Variants in TRIO observed in about 807,000 individuals in gnomAD.
TRIO encodes trio Rho guanine nucleotide exchange factor.
Under a neutral mutation model 351.9 loss-of-function variants are expected in TRIO, and 58 were observed. That is an observed-to-expected ratio of 0.16 (90% CI 0.13 to 0.21). TRIO has a LOEUF of 0.21. TRIO is among the 10% of genes least tolerant of loss of function. TRIO has a pLI of 1.00. For synonymous variants in TRIO, 1,758 were observed against 1,595.7 expected (o/e 1.10, Z -2.42); for missense variants, 3,201 against 4,027.8 (o/e 0.79, Z 5.56).
At chr5:14,386,619 G>A (rs1021979696) in intron 21 of TRIO, among the ~76,000 whole-genome samples, 1 of 152,190 alleles carries the variant, frequency 6.6e-6, no homozygotes, top group Non-Finnish European at 1.5e-5. Flanking sequence ...AAGCCTAATA[G>A]TAATAACCAT....
At position 14,504,257 on chromosome 5, in the gene TRIO, C is replaced by T. The variant is rs928479850; in HGVS notation, c.8412-136C>T. On this transcript the variant is annotated intron_variant, in intron 54 of 56. Transcript: ENST00000344204. ...GACAGCCATGGCACCACAGCCCCTCCGTGGAGTGGCCGGGAGAGCAGGGCC... is the reference window on the plus strand; with the variant it reads ...GACAGCCATGGCACCACAGCCCCTCTGTGGAGTGGCCGGGAGAGCAGGGCC... The T allele has an allele frequency of 3.8e-5, 35 of 923,718 alleles. No homozygotes were observed. The East Asian group carries it at 7.0e-4, about 18-fold the overall frequency. The allele number at this position is 923,718 out of a possible 1,614,324, so 57.2% of individuals were successfully genotyped here.
chr5:14,383,199 G>A (rs928683274), intron 21 of TRIO, among the ~76,000 whole-genome samples: 2 of 152,168 alleles, frequency 1.3e-5, no homozygotes, highest in South Asian at 2.1e-4. Flanking sequence ...GGTGGTGTGT[G>A]CGCCTAAAGT....
At chr5:14,378,159 TA>T in intron 20 of TRIO, 32 bp downstream of exon 20, 1 of 1,519,838 alleles carries the variant, frequency 6.6e-7, no homozygotes, top group Non-Finnish European at 9.0e-7. Flanking sequence ...AGCCTCCCCC[TA>T]AACTCCCGTG....
At position 14,180,100 on chromosome 5, in the gene TRIO, CAAAAAA is replaced by C. The variant is rs70964542; in HGVS notation, c.157+36241_157+36246del. On this transcript the variant is annotated intron_variant, in intron 1 of 56. Coordinates refer to ENST00000344204, the MANE Select transcript of TRIO (RefSeq NM_007118.4). ...TGGGTGACAGAGCAGGACTCCTGCT[CAAAAAA>C]AAAAAAAAAAAAAAAAAAAAAAGAT... 5.0e-4 allele frequency among the ~76,000 whole-genome samples: 14 copies of C among 27,744 alleles called. No individual in the cohort carries two copies. In the South Asian group the frequency reaches 8.0e-3, roughly 16 times the overall value. The allele number at this position is 27,744 out of a possible 152,430, so 18.2% of individuals were successfully genotyped here.
chr5:14,318,929 C>T (rs1026565933), intron 9 of TRIO, among the ~76,000 whole-genome samples: 3 of 152,158 alleles, frequency 2.0e-5, no homozygotes, highest in Non-Finnish European at 4.4e-5. Flanking sequence ...TCCTTTCCCC[C>T]CACACCCCAT....
intron 1 of TRIO, among the ~76,000 whole-genome samples, chr5:14,255,439 ACACTATG>A (rs1794973451): frequency 6.6e-6 from 1 of 152,244 alleles, no homozygotes; most frequent in Non-Finnish European, 1.5e-5. Flanking sequence ...ATCAAATGGA[ACACTATG>A]CAACAGTGAA....
intron 1 of TRIO, among the ~76,000 whole-genome samples, chr5:14,169,594 T>C (rs1222003975): frequency 1.3e-5 from 2 of 152,264 alleles, no homozygotes; most frequent in Non-Finnish European, 2.9e-5. Context: ...TGAGTTGTTA[T>C]TCATCGAACA....
chr5:14,442,320 C>G (rs141977836), intron 34 of TRIO, among the ~76,000 whole-genome samples: 1 of 152,104 alleles, frequency 6.6e-6, no homozygotes, highest in African/African-American at 2.4e-5. Flanking sequence ...CGGGGCACTT[C>G]CAGTTCATTA....
chr5:14,278,342 C>T (rs549931674), intron 2 of TRIO, among the ~76,000 whole-genome samples: 5 of 152,198 alleles, frequency 3.3e-5, no homozygotes, highest in Admixed American at 6.5e-5. Context: ...TTCTCACACC[C>T]GTGGTGGAGC....
chr5:14,363,068 A>G (rs112683011), intron 13 of TRIO, among the ~76,000 whole-genome samples: 3,206 of 146,476 alleles, frequency 0.022, 109 homozygotes, highest in African/African-American at 0.076. Context: ...GTGCCATCTC[A>G]GCTTACTGCA....
chr5:14,151,875 G>T (rs1273812121), intron 1 of TRIO, among the ~76,000 whole-genome samples: 1 of 152,098 alleles, frequency 6.6e-6, no homozygotes, highest in Non-Finnish European at 1.5e-5. Context: ...GTTCATCCTT[G>T]TTCTGCATGA....
At position 14,479,240 on chromosome 5, in the gene TRIO, G is replaced by A. The variant is rs779391086; in HGVS notation, c.6154-21G>A. On this transcript the variant is annotated intron_variant, in intron 41 of 56. Coordinates refer to ENST00000344204, the MANE Select transcript of TRIO (RefSeq NM_007118.4). Reference sequence around the variant, plus strand: ...AATTTCCCATTGTTATAACCCAACTGTTTGCCTTTTTTATTCCTAGGAGAG... The same window carrying A: ...AATTTCCCATTGTTATAACCCAACTATTTGCCTTTTTTATTCCTAGGAGAG... The A allele has an allele frequency of 8.1e-6, 13 of 1,601,194 alleles. No homozygotes were observed. In the Admixed American group the frequency reaches 2.0e-4, roughly 25 times the overall value.
Position 14,273,702 on chromosome 5 carries a change from C to T in TRIO, c.232+2803C>T, listed in dbSNP as rs981185489. On this transcript the variant is annotated intron_variant, in intron 2 of 56. Transcript: ENST00000344204. ...CAGCCCTCACAAGACTACCAAACCT[C>T]GTAAAAATGCCCTGTAGTTTATATT... is the stretch of plus-strand genomic sequence containing the variant. 1.1e-4 allele frequency among the ~76,000 whole-genome samples: 16 copies of T among 152,200 alleles called. 1 individual carries two copies. The highest frequency in any genetic ancestry group is 2.1e-4 in the South Asian group (1 of 4,830).
At chr5:14,421,877 G>A (rs1025502555) in intron 34 of TRIO, among the ~76,000 whole-genome samples, 3 of 152,282 alleles carry the variant, frequency 2.0e-5, no homozygotes, top group South Asian at 4.1e-4. Context: ...AAAAGACATA[G>A]GAACTGCAGG....
At chr5:14,455,475 A>C (rs560240279) in intron 34 of TRIO, among the ~76,000 whole-genome samples, 1 of 152,064 alleles carries the variant, frequency 6.6e-6, no homozygotes, top group East Asian at 1.9e-4. Context: ...CAGGGTGCTG[A>C]TTGGTGCATT....
At chr5:14,348,389 A>G (rs555665020) in intron 11 of TRIO, among the ~76,000 whole-genome samples, 1 of 152,336 alleles carries the variant, frequency 6.6e-6, no homozygotes, top group South Asian at 2.1e-4. Context: ...CTTATGTTTA[A>G]TTTTCAGTAA....
At chr5:14,359,796 A>G (rs1157227332) in intron 13 of TRIO, among the ~76,000 whole-genome samples, 2 of 152,248 alleles carry the variant, frequency 1.3e-5, no homozygotes, top group Non-Finnish European at 2.9e-5. Flanking sequence ...AGCAGAGCAC[A>G]GCAAGCGCTG....
chr5:14,321,066 A>G (rs1739835300), intron 9 of TRIO, among the ~76,000 whole-genome samples: 2 of 152,226 alleles, frequency 1.3e-5, no homozygotes, highest in South Asian at 2.1e-4. Context: ...TCAAACGTCA[A>G]GGGTCTAATG....
At chr5:14,158,953 AC>A (rs1561146342) in intron 1 of TRIO, among the ~76,000 whole-genome samples, 1 of 152,208 alleles carries the variant, frequency 6.6e-6, no homozygotes, top group African/African-American at 2.4e-5. Context: ...TAATTTTCCT[AC>A]CCCTTACAAA....
Sources: allele counts gnomAD v4.1 joint callset (sites outside exome capture counted in the v4.1 genomes callset), GRCh38; gene constraint gnomAD v4.1.1; transcripts MANE v1.5; gene names NCBI Gene and HGNC (gene_info 2026-07-23, HGNC 2026-07-21).